Variants in PRPF6 observed in about 807,000 individuals in gnomAD.
PRPF6 encodes the protein pre-mRNA-processing factor 6.
In PRPF6, 42 loss-of-function variants were observed where a neutral mutation model predicts 118.3. That is an observed-to-expected ratio of 0.35 (90% CI 0.28 to 0.46). The LOEUF (loss-of-function observed/expected upper bound fraction) is 0.46, where lower values mean the gene tolerates loss of function less well. PRPF6 is among the 20% of genes least tolerant of loss of function. PRPF6 has a pLI of 1.00. For synonymous variants in PRPF6, 481 were observed against 485.1 expected (o/e 0.99, Z 0.11); for missense variants, 662 against 1,255.7 (o/e 0.53, Z 7.15).
Position 64,027,122 on chromosome 20 carries a change from G to A in PRPF6, c.2169G>A (p.Glu723=), listed in dbSNP as rs1177312274. 1.2e-6 allele frequency: 2 copies of A among 1,614,024 alleles called. No homozygotes were observed. Among genetic ancestry groups the A allele is most frequent in the Admixed American group, 1.7e-5 (1 of 60,022 alleles). The change falls in exon 16 of 21, where the codon GAG becomes GAA. Residue 723 remains glutamate (E), a synonymous_variant. Transcript: ENST00000266079. This position sits in a 1 kb window ranked among gnomAD's most constrained non-coding sequence, Gnocchi z 6.5. ...MMKGQIEEQK[E]MMEKAREAYN... is the part of the protein sequence containing the mutation. ...AGGGGCAGATCGAGGAGCAGAAGGA[G>A]ATGATGGAGAAGGCGCGGGAAGCCT...
chr20:63,983,238 G>C, intron 2 of PRPF6, 23 bp downstream of exon 2: 1 of 1,613,942 alleles, frequency 6.2e-7, no homozygotes, highest in Non-Finnish European at 8.5e-7. Flanking sequence ...CGGCTTTCGT[G>C]GCTCCTCCAG....
chr20:63,990,681 A>G (rs1045269633), intron 3 of PRPF6, among the ~76,000 whole-genome samples: 4 of 145,010 alleles, frequency 2.8e-5, no homozygotes, highest in African/African-American at 7.8e-5. Context: ...GTCTCACTCT[A>G]TTGCCCAGGC....
intron 3 of PRPF6, among the ~76,000 whole-genome samples, chr20:63,987,698 A>G (rs1018115961): frequency 6.6e-6 from 1 of 152,266 alleles, no homozygotes; most frequent in Non-Finnish European, 1.5e-5. Flanking sequence ...TCTTATATTT[A>G]GAAAACCCTA....
At chr20:63,989,249 T>TTAAC (rs2059108188) in intron 3 of PRPF6, among the ~76,000 whole-genome samples, 1 of 152,176 alleles carries the variant, frequency 6.6e-6, no homozygotes, top group Non-Finnish European at 1.5e-5. Flanking sequence ...TTAAAAGACT[T>TTAAC]TAAGACCTCA....
At chr20:64,014,436 C>A (rs2123060006) in intron 11 of PRPF6, among the ~76,000 whole-genome samples, 1 of 151,516 alleles carries the variant, frequency 6.6e-6, no homozygotes, top group South Asian at 2.1e-4. Context: ...GGGTGGATCA[C>A]TTGAGGTCAG....
chr20:64,021,223 A>G (rs1317365492), intron 12 of PRPF6, among the ~76,000 whole-genome samples: 1 of 151,902 alleles, frequency 6.6e-6, no homozygotes, highest in African/African-American at 2.4e-5. Flanking sequence ...TGGCTCGGCC[A>G]CAGCCCCATG....
intron 3 of PRPF6, among the ~76,000 whole-genome samples, chr20:63,990,428 A>G (rs1263381799): frequency 1.3e-5 from 2 of 151,694 alleles, no homozygotes; most frequent in South Asian, 2.1e-4. Context: ...ATTGTGCATA[A>G]ATTTTATACC....
intron 3 of PRPF6, 106 bp from the exon 4 acceptor site, chr20:63,993,301 T>A: frequency 1.7e-6 from 1 of 595,482 alleles, no homozygotes; most frequent in Non-Finnish European, 3.1e-6. Flanking sequence ...ATTTAGCTAC[T>A]AAGAGTATGG....
At chr20:63,981,761 G>A (rs1027903332) in intron 1 of PRPF6, among the ~76,000 whole-genome samples, 1 of 149,796 alleles carries the variant, frequency 6.7e-6, no homozygotes, top group Admixed American at 6.8e-5. Context: ...ATCCTATTTG[G>A]CTATTCATTT....
At chr20:64,010,136 C>G in intron 9 of PRPF6, 64 bp from the exon 10 acceptor site, 2 of 1,379,384 alleles carry the variant, frequency 1.4e-6, no homozygotes, top group Non-Finnish European at 1.0e-6. Context: ...AGCATGCTCA[C>G]CACATGAGCC....
At position 64,016,780 on chromosome 20, in the gene PRPF6, G is replaced by A. The variant is rs2059240399; in HGVS notation, c.1582G>A (p.Ala528Thr). 6.2e-7 allele frequency: 1 copy of A among 1,614,078 alleles called. No individual in the cohort carries two copies. Among genetic ancestry groups the A allele is most frequent in the Non-Finnish European group, 8.5e-7 (1 of 1,180,044 alleles). ...GGCCACCTGCCAGGCCGTCATGCGT[G>A]CCGTGATTGGGATTGGGATTGAGGA... ...SVATCQAVMR[A>T]VIGIGIEEED... The change falls in exon 12 of 21, where the codon GCC (alanine) becomes ACC (threonine). Residue 528 changes from alanine (A) to threonine (T), a missense_variant. This residue lies in a region of PRPF6 where 189 missense variants were observed against 323.5 expected (regional missense o/e 0.58). Transcript: ENST00000266079.
chr20:64,008,785 A>C (rs2059201644), intron 9 of PRPF6, among the ~76,000 whole-genome samples: 1 of 152,226 alleles, frequency 6.6e-6, no homozygotes, highest in Non-Finnish European at 1.5e-5. Flanking sequence ...CATTCTCCAA[A>C]GGTGACTAAT....
At chr20:64,000,668 A>G (rs956486346) in intron 8 of PRPF6, among the ~76,000 whole-genome samples, 2 of 151,174 alleles carry the variant, frequency 1.3e-5, no homozygotes, top group Non-Finnish European at 2.9e-5. Context: ...TCCCGGGTTC[A>G]AGCAATTCTC....
intron 3 of PRPF6, among the ~76,000 whole-genome samples, chr20:63,992,035 T>C (rs1036801209): frequency 3.3e-5 from 5 of 151,854 alleles, no homozygotes; most frequent in Non-Finnish European, 7.4e-5. Flanking sequence ...TTCAGTAGAG[T>C]GTTTGGAGTG....
At chr20:63,989,722 C>T (rs2059110274) in intron 3 of PRPF6, among the ~76,000 whole-genome samples, 1 of 151,696 alleles carries the variant, frequency 6.6e-6, no homozygotes, top group Non-Finnish European at 1.5e-5. Context: ...ACCATGTTGG[C>T]CAGGATGGTC....
At chr20:64,000,662 G>A (rs976283391) in intron 8 of PRPF6, among the ~76,000 whole-genome samples, 6 of 151,126 alleles carry the variant, frequency 4.0e-5, no homozygotes, top group East Asian at 2.0e-4. Context: ...TCTGCCTCCC[G>A]GGTTCAAGCA....
At chr20:64,003,540 C>CTGGTTTCCTCT (rs781482054) in intron 9 of PRPF6, among the ~76,000 whole-genome samples, 5 of 152,172 alleles carry the variant, frequency 3.3e-5, no homozygotes, top group Non-Finnish European at 7.3e-5. Context: ...TTTCCTCTGT[C>CTGGTTTCCTCT]GAGGCTGGTT....
chr20:63,988,514 C>T (rs1459140230), intron 3 of PRPF6, among the ~76,000 whole-genome samples: 1 of 151,378 alleles, frequency 6.6e-6, no homozygotes, highest in African/African-American at 2.4e-5. Flanking sequence ...AAGAAAATAT[C>T]CATACTACCC....
At position 64,011,150 on chromosome 20, in the gene PRPF6, C is replaced by T; in HGVS notation, c.1306-135C>T. 1.3e-6 allele frequency: 1 copy of T among 766,526 alleles called. No homozygotes were observed. The highest frequency in any genetic ancestry group is 2.3e-6 in the Non-Finnish European group (1 of 444,376). The allele number at this position is 766,526 out of a possible 1,614,324, so 47.5% of individuals were successfully genotyped here. On this transcript the variant is annotated intron_variant, in intron 10 of 20. Coordinates refer to ENST00000266079, the MANE Select transcript of PRPF6 (RefSeq NM_012469.4). This position sits in a 1 kb window ranked among gnomAD's most constrained non-coding sequence, Gnocchi z 6.7. ...GAGAAGTGCTGCTGTGGACACTTCT[C>T]AGGCCATGTTCAGATGGTTCTCGAG...
Sources: allele counts gnomAD v4.1 joint callset (sites outside exome capture counted in the v4.1 genomes callset), GRCh38; gene constraint gnomAD v4.1.1; regional missense constraint gnomAD v4.1.1; non-coding constraint Gnocchi (gnomAD v3.1); transcripts MANE v1.5; gene names NCBI Gene and HGNC (gene_info 2026-07-23, HGNC 2026-07-21).